MAGI1: variants seen among roughly 807,000 people sequenced by gnomAD.
MAGI1 encodes membrane-associated guanylate kinase, WW and PDZ domain-containing protein 1.
Under a neutral mutation model 139.9 loss-of-function variants are expected in MAGI1, and 58 were observed. The observed-to-expected ratio is 0.41, with a 90% CI of 0.34 to 0.52. MAGI1 has a LOEUF of 0.52. Among genes scored for constraint, MAGI1 ranks in the 20% least tolerant of loss-of-function variants. MAGI1 has a pLI of 0.12. For synonymous variants in MAGI1, 812 were observed against 737.9 expected, an observed-to-expected ratio of 1.10 and a Z score of -1.63; for missense variants, 1,874 against 1,901.6, an observed-to-expected ratio of 0.99 and a Z score of 0.27.
intron 1 of MAGI1, among the ~76,000 whole-genome samples, chr3:65,869,515 C>G (rs1407857883): frequency 1.3e-5 from 2 of 151,270 alleles, no homozygotes. Flanking sequence ...ATTCTCCTGC[C>G]TCAGCCTCCC....
chr3:65,868,866 T>C (rs2059818378), intron 1 of MAGI1, among the ~76,000 whole-genome samples: 1 of 152,166 alleles, frequency 6.6e-6, no homozygotes, highest in Non-Finnish European at 1.5e-5. Context: ...AAGTCCACCC[T>C]GATCACCCCA....
chr3:65,910,834 G>T (rs966744521), intron 1 of MAGI1, among the ~76,000 whole-genome samples: 3 of 134,146 alleles, frequency 2.2e-5, no homozygotes, highest in Non-Finnish European at 4.7e-5. Flanking sequence ...CTACCTTGAG[G>T]CCTCTTTCAG....
intron 2 of MAGI1, among the ~76,000 whole-genome samples, chr3:65,495,492 T>C (rs1341092076): frequency 1.3e-5 from 2 of 152,188 alleles, no homozygotes; most frequent in African/African-American, 4.8e-5. Context: ...ATTGTATTTA[T>C]TCAACAAATA....
chr3:65,828,449 G>A (rs999927359), intron 1 of MAGI1, among the ~76,000 whole-genome samples: 1 of 152,138 alleles, frequency 6.6e-6, no homozygotes, highest in African/African-American at 2.4e-5. Flanking sequence ...TCACATCTAT[G>A]TATTCTTTAA....
Position 65,900,856 on chromosome 3 carries a change from C to T in MAGI1, c.313+137140G>A, listed in dbSNP as rs75330130. 5.2e-3 allele frequency among the ~76,000 whole-genome samples: 789 copies of T among 152,288 alleles called. 29 individuals carry two copies. The East Asian group carries it at 0.083, about 16-fold the overall frequency. On this transcript the variant is annotated intron_variant, in intron 1 of 22. Coordinates refer to ENST00000402939, the MANE Select transcript of MAGI1 (RefSeq NM_001033057.2). ...TATTTACAATCAGAACTAAGAGATT[C>T]CAGCTTCAGTCTGGATGAACCCTTG...
intron 2 of MAGI1, among the ~76,000 whole-genome samples, chr3:65,608,166 G>A (rs12632593): frequency 2.6e-5 from 4 of 152,184 alleles, no homozygotes; most frequent in Non-Finnish European, 4.4e-5. Flanking sequence ...CGGGGACCGG[G>A]TGGAGTGGCT....
chr3:65,460,601 A>G lies in MAGI1; in HGVS notation c.960-7261T>C, dbSNP rs150266347. On this transcript the variant is annotated intron_variant, in intron 5 of 22. Coordinates refer to ENST00000402939, the MANE Select transcript of MAGI1 (RefSeq NM_001033057.2). ...AGGGATACATGTGCAGAACATGCAGATTTGTTACACAGGTATACATGTGCC... is the reference window on the plus strand; with the variant it reads ...AGGGATACATGTGCAGAACATGCAGGTTTGTTACACAGGTATACATGTGCC... Among the ~76,000 whole-genome samples the G allele has an allele frequency of 4.8e-3, 731 of 152,116 alleles. 4 individuals carry two copies. The highest frequency in any genetic ancestry group is 0.017 in the African/African-American group (701 of 41,496).
At chr3:65,696,968 G>C (rs1272243179) in intron 1 of MAGI1, among the ~76,000 whole-genome samples, 2 of 152,152 alleles carry the variant, frequency 1.3e-5, no homozygotes, top group Non-Finnish European at 2.9e-5. Context: ...AAAATTGATA[G>C]ACCGCTAGCA....
chr3:65,537,170 G>A (rs1431801845), intron 2 of MAGI1, among the ~76,000 whole-genome samples: 2 of 152,046 alleles, frequency 1.3e-5, no homozygotes, highest in African/African-American at 4.8e-5. Context: ...AGTTCTAAAT[G>A]CACTCCACTA....
chr3:66,001,470 A>C (rs1023054733), intron 1 of MAGI1, among the ~76,000 whole-genome samples: 1 of 152,210 alleles, frequency 6.6e-6, no homozygotes, highest in African/African-American at 2.4e-5. Context: ...AAAGAGTATC[A>C]GCCTCACAGG....
intron 12 of MAGI1, among the ~76,000 whole-genome samples, chr3:65,410,678 C>T (rs1295629155): frequency 6.6e-6 from 1 of 152,184 alleles, no homozygotes; most frequent in African/African-American, 2.4e-5. Context: ...TTCTTTTCTA[C>T]AGATAGCCGA....
chr3:65,811,937 TGTG>T (rs1211512560), intron 1 of MAGI1, among the ~76,000 whole-genome samples: 4 of 151,380 alleles, frequency 2.6e-5, no homozygotes, highest in African/African-American at 9.7e-5. Flanking sequence ...CGTGTGTGTG[TGTG>T]TGTGTGTGTG....
intron 1 of MAGI1, among the ~76,000 whole-genome samples, chr3:65,628,213 G>C (rs371141508): frequency 2.0e-5 from 3 of 151,998 alleles, no homozygotes; most frequent in East Asian, 3.9e-4. Context: ...TGGTGGTCCT[G>C]TTTTCCCACA....
intron 1 of MAGI1, among the ~76,000 whole-genome samples, chr3:66,034,570 A>G (rs1028609915): frequency 6.6e-6 from 1 of 152,232 alleles, no homozygotes; most frequent in Non-Finnish European, 1.5e-5. Flanking sequence ...ATATACTAGG[A>G]CGGCTAAAAT....
intron 1 of MAGI1, among the ~76,000 whole-genome samples, chr3:65,791,460 T>C (rs2039766319): frequency 6.6e-6 from 1 of 152,118 alleles, no homozygotes; most frequent in Non-Finnish European, 1.5e-5. Context: ...TTAGAAAATA[T>C]TTAAGGGACA....
intron 1 of MAGI1, among the ~76,000 whole-genome samples, chr3:65,678,503 T>C (rs1378389035): frequency 6.6e-6 from 1 of 151,998 alleles, no homozygotes; most frequent in Admixed American, 6.6e-5. Flanking sequence ...AAAAACATAA[T>C]GGGATTAAGG....
At chr3:65,616,512 C>T (rs919736446) in intron 2 of MAGI1, among the ~76,000 whole-genome samples, 2 of 152,154 alleles carry the variant, frequency 1.3e-5, no homozygotes, top group African/African-American at 4.8e-5. Context: ...GATATCATGA[C>T]AGAGGATCCG....
chr3:65,415,020 CAA>C (rs60234120), intron 12 of MAGI1, among the ~76,000 whole-genome samples: 1,258 of 122,124 alleles, frequency 0.01, 21 homozygotes, highest in African/African-American at 0.039. Flanking sequence ...AAAAAAAAAA[CAA>C]AAAAAAAAAA....
chr3:65,783,557 G>A (rs1030817457), intron 1 of MAGI1, among the ~76,000 whole-genome samples: 2 of 152,112 alleles, frequency 1.3e-5, no homozygotes, highest in South Asian at 2.1e-4. Context: ...GCAGTGGCAC[G>A]ATCAGAGCTC....
Sources: allele counts gnomAD v4.1 joint callset (sites outside exome capture counted in the v4.1 genomes callset), GRCh38; gene constraint gnomAD v4.1.1; transcripts MANE v1.5; gene names NCBI Gene and HGNC (gene_info 2026-07-23, HGNC 2026-07-21).